Variants in GLIS1 observed in about 807,000 individuals in gnomAD.
The protein encoded by GLIS1 is zinc finger protein GLIS1.
A neutral mutation model predicts 63.8 loss-of-function variants in GLIS1; 24 were observed. The ratio of observed to expected loss-of-function variants is 0.38; its 90% CI spans 0.27 to 0.53. The LOEUF is 0.53. Ranked by LOEUF, GLIS1 falls within the 20% of genes least tolerant of loss-of-function variation. The pLI is 0.85. For missense variants in GLIS1, 1,036 were observed against 1,074.1 expected (o/e 0.96, Z 0.50); for synonymous variants, 450 against 482.5 (o/e 0.93, Z 0.88).
intron 2 of GLIS1, among the ~76,000 whole-genome samples, chr1:53,695,403 G>C (rs1179209697): frequency 1.3e-5 from 2 of 149,152 alleles, no homozygotes; most frequent in Non-Finnish European, 3.0e-5. Context: ...TCACTTCCAG[G>C]CTGGGTGAGC....
At chr1:53,630,413 A>C (rs1308873659) in intron 2 of GLIS1, among the ~76,000 whole-genome samples, 1 of 152,198 alleles carries the variant, frequency 6.6e-6, no homozygotes, top group African/African-American at 2.4e-5. Flanking sequence ...TTCCAGGCTC[A>C]TGGAACACAC....
rs144297445 is a variant in GLIS1 at position 53,735,819 on chromosome 1, C to T, written c.259+1987G>A. Among the ~76,000 whole-genome samples, 7 of 152,148 alleles carry T rather than the reference C, an allele frequency of 4.6e-5. No individual in the cohort carries two copies. The East Asian group carries it at 9.6e-4, about 21-fold the overall frequency. ...CGTTTCCTCGCAGCATTTTTAAGGACGCTGAAGAACTGGGGGAAAGCTGGG... is the reference window on the plus strand; with the variant it reads ...CGTTTCCTCGCAGCATTTTTAAGGATGCTGAAGAACTGGGGGAAAGCTGGG... On this transcript the variant is annotated intron_variant, in intron 2 of 10. Transcript: ENST00000628545.
At chr1:53,579,265 T>C (rs1279574971) in intron 4 of GLIS1, among the ~76,000 whole-genome samples, 3 of 152,320 alleles carry the variant, frequency 2.0e-5, no homozygotes, top group African/African-American at 7.2e-5. Flanking sequence ...GACACTCCTA[T>C]TGCCCCCTGC....
intron 4 of GLIS1, among the ~76,000 whole-genome samples, chr1:53,556,504 G>T (rs1235282542): frequency 7.1e-6 from 1 of 139,918 alleles, no homozygotes; most frequent in African/African-American, 2.7e-5. Flanking sequence ...GTGTGTGTGT[G>T]GTGTACTGCA....
Position 53,737,933 on chromosome 1 carries a change from G to A in GLIS1, c.132C>T (p.Gly44=). 1 of 1,230,056 alleles carries A rather than the reference G, an allele frequency of 8.1e-7. No individual in the cohort carries two copies. The highest frequency in any genetic ancestry group is 4.2e-5 in the Admixed American group (1 of 23,632). 76.2% of individuals were successfully genotyped at this position (1,230,056 alleles called of 1,614,324 possible). ...GGTCCCGCGGGCCCCTGTCCCCGCA[G>A]CCGCCGCCACTCACGGTGACCCTGA... ...MAFRVTVSGG[G]CGDRGPRDLL... is the part of the protein sequence containing the mutation. Residue 44 remains glycine, a synonymous_variant, in exon 2 of 11, where the codon GGC becomes GGT. Transcript: ENST00000628545.
intron 4 of GLIS1, among the ~76,000 whole-genome samples, chr1:53,533,719 G>A (rs1432770621): frequency 6.6e-6 from 1 of 152,198 alleles, no homozygotes; most frequent in Non-Finnish European, 1.5e-5. Flanking sequence ...ACACGCCAGG[G>A]GCCTTGAGGG....
intron 2 of GLIS1, among the ~76,000 whole-genome samples, chr1:53,713,858 C>T (rs543903988): frequency 1.3e-5 from 2 of 152,204 alleles, no homozygotes; most frequent in African/African-American, 4.8e-5. Flanking sequence ...GTGGAGATAG[C>T]TCCTAAGATG....
intron 4 of GLIS1, among the ~76,000 whole-genome samples, chr1:53,589,891 G>A (rs1645171430): frequency 6.6e-6 from 1 of 152,206 alleles, no homozygotes; most frequent in Non-Finnish European, 1.5e-5. Flanking sequence ...AAGAATCAGG[G>A]ATCCCTGGTA....
At position 53,529,961 on chromosome 1, in the gene GLIS1, G is replaced by GA. The variant is rs1218839639; in HGVS notation, c.1321-10dup. On this transcript the variant is annotated splice_polypyrimidine_tract_variant and intron_variant, in intron 4 of 10. Coordinates refer to ENST00000628545, the MANE Select transcript of GLIS1 (RefSeq NM_001367484.1). ...TTGCTGCAGCCTTCAAACTGCAGGA[G>GA]AGGCTGGTGAGGGGAACTCCCAGCC... 2 of 1,611,596 alleles carry GA rather than the reference G, an allele frequency of 1.2e-6. No individual in the cohort carries two copies. Among genetic ancestry groups the GA allele is most frequent in the Non-Finnish European group, 8.5e-7 (1 of 1,178,914 alleles).
At chr1:53,678,617 C>T (rs1208418574) in intron 2 of GLIS1, among the ~76,000 whole-genome samples, 1 of 152,154 alleles carries the variant, frequency 6.6e-6, no homozygotes, top group Non-Finnish European at 1.5e-5. Context: ...TGTCCAAGTA[C>T]CAACAGTCAC....
chr1:53,569,784 T>C (rs1644967552), intron 4 of GLIS1, among the ~76,000 whole-genome samples: 1 of 152,052 alleles, frequency 6.6e-6, no homozygotes, highest in African/African-American at 2.4e-5. Flanking sequence ...AGCGATTTTA[T>C]TTCTATTCAC....
At chr1:53,677,421 A>G (rs1033864640) in intron 2 of GLIS1, among the ~76,000 whole-genome samples, 30 of 152,246 alleles carry the variant, frequency 2.0e-4, no homozygotes, top group African/African-American at 6.0e-4. Flanking sequence ...CTGGGACCCA[A>G]TGGGGAGAAA....
intron 2 of GLIS1, among the ~76,000 whole-genome samples, chr1:53,687,024 C>G (rs1416525185): frequency 6.6e-6 from 1 of 152,214 alleles, no homozygotes; most frequent in Non-Finnish European, 1.5e-5. Flanking sequence ...ACTCCACTGC[C>G]AGTGAGGCCA....
chr1:53,695,606 C>T (rs935545701), intron 2 of GLIS1, among the ~76,000 whole-genome samples: 14 of 152,184 alleles, frequency 9.2e-5, no homozygotes, highest in Non-Finnish European at 1.8e-4. Flanking sequence ...GGCCTCTTCC[C>T]TCCACCCTGT....
At chr1:53,617,798 C>T (rs1355082578) in intron 2 of GLIS1, among the ~76,000 whole-genome samples, 1 of 152,206 alleles carries the variant, frequency 6.6e-6, no homozygotes, top group African/African-American at 2.4e-5. Flanking sequence ...AAAGAAGGCC[C>T]TGTTAAGAAA....
At chr1:53,547,443 C>T (rs957522643) in intron 4 of GLIS1, among the ~76,000 whole-genome samples, 2 of 152,248 alleles carry the variant, frequency 1.3e-5, no homozygotes, top group African/African-American at 2.4e-5. Flanking sequence ...CTCGTCAGCA[C>T]GGAACCTGCC....
At chr1:53,674,365 G>A (rs1646189177) in intron 2 of GLIS1, among the ~76,000 whole-genome samples, 1 of 152,090 alleles carries the variant, frequency 6.6e-6, no homozygotes, top group South Asian at 2.1e-4. Context: ...GAATCTCTGT[G>A]GACAGGGCTC....
intron 4 of GLIS1, among the ~76,000 whole-genome samples, chr1:53,547,962 T>G (rs1644721331): frequency 6.6e-6 from 1 of 152,264 alleles, no homozygotes; most frequent in African/African-American, 2.4e-5. Context: ...GTGTTTTACA[T>G]GTTTTCTGCA....
chr1:53,655,500 T>C (rs558418479), intron 2 of GLIS1, among the ~76,000 whole-genome samples: 1 of 152,310 alleles, frequency 6.6e-6, no homozygotes, highest in Non-Finnish European at 1.5e-5. Context: ...CATACAGTCA[T>C]TGTGAAGACC....
Sources: allele counts gnomAD v4.1 joint callset (sites outside exome capture counted in the v4.1 genomes callset), GRCh38; gene constraint gnomAD v4.1.1; transcripts MANE v1.5; gene names NCBI Gene and HGNC (gene_info 2026-07-23, HGNC 2026-07-21).